The following MACROD2 variants were observed in gnomAD, a reference collection of about 807,000 sequenced individuals.
The protein encoded by MACROD2 is mono-ADP ribosylhydrolase 2.
MACROD2 carries 36 observed loss-of-function variants against 70.4 expected under a neutral mutation model. The ratio of observed to expected loss-of-function variants is 0.51; its 90% CI spans 0.39 to 0.68. MACROD2 has a LOEUF of 0.68. Ranked by LOEUF, MACROD2 falls within the 30% of genes least tolerant of loss-of-function variation. The probability of loss-of-function intolerance (pLI) is 0.00; values close to 1 mark genes in which losing one functional copy is unlikely to be tolerated. For synonymous variants in MACROD2, 172 were observed against 178.8 expected (o/e 0.96, Z 0.30); for missense variants, 496 against 538.4 (o/e 0.92, Z 0.78).
chr20:15,251,461 G>T (rs1385629792), intron 6 of MACROD2, among the ~76,000 whole-genome samples: 1 of 152,136 alleles, frequency 6.6e-6, no homozygotes, highest in Non-Finnish European at 1.5e-5. Flanking sequence ...GGATGAGGAG[G>T]CAGAAAATAA....
intron 8 of MACROD2, among the ~76,000 whole-genome samples, chr20:15,761,882 A>G (rs1369261168): frequency 1.3e-5 from 2 of 152,198 alleles, no homozygotes; most frequent in Non-Finnish European, 2.9e-5. Context: ...CTCAGCTTCT[A>G]AAGCTTTCTT....
chr20:14,576,330 G>A (rs564215527), intron 4 of MACROD2, among the ~76,000 whole-genome samples: 1 of 152,294 alleles, frequency 6.6e-6, no homozygotes, highest in Non-Finnish European at 1.5e-5. Context: ...AAGAGAGTGA[G>A]ATGGCATGAA....
intron 3 of MACROD2, among the ~76,000 whole-genome samples, chr20:14,311,684 ATTTTTGTATT>A (rs2082568427): frequency 6.6e-6 from 1 of 151,858 alleles, no homozygotes; most frequent in African/African-American, 2.4e-5. Context: ...TGCCTGCCTA[ATTTTTGTATT>A]TTTAGTAGAG....
At chr20:14,046,279 T>C (rs2053473433) in intron 2 of MACROD2, among the ~76,000 whole-genome samples, 1 of 152,152 alleles carries the variant, frequency 6.6e-6, no homozygotes, top group Middle Eastern at 3.2e-3. Flanking sequence ...ATCATAGAGC[T>C]AGGTTTTCAA....
intron 2 of MACROD2, among the ~76,000 whole-genome samples, chr20:14,064,173 C>G (rs1339608919): frequency 6.6e-6 from 1 of 152,180 alleles, no homozygotes; most frequent in Non-Finnish European, 1.5e-5. Flanking sequence ...TCTTCTGTCC[C>G]TCTAAGTATT....
In MACROD2 at chr20:15,872,918, G is replaced by T. The variant is rs143025391; in HGVS notation, c.727+10092G>T. ...CTATATGTCATTTAACATAAATCAT[G>T]AACATTTTTCACATCATTATGAATT... On this transcript the variant is annotated intron_variant, in intron 9 of 17. Transcript: ENST00000684519. Among the ~76,000 whole-genome samples the T allele has an allele frequency of 6.7e-3, 1,024 of 152,150 alleles. 17 individuals carry two copies. Among genetic ancestry groups the T allele is most frequent in the Non-Finnish European group, 6.7e-3 (453 of 67,972 alleles).
chr20:15,384,088 G>C (rs2045679428), intron 6 of MACROD2, among the ~76,000 whole-genome samples: 1 of 152,046 alleles, frequency 6.6e-6, no homozygotes, highest in Non-Finnish European at 1.5e-5. Context: ...TGGAGGCTTT[G>C]GGAACTCTAT....
chr20:14,495,472 C>G lies in MACROD2; in HGVS notation c.301+1964C>G, dbSNP rs188133096. 1.5e-4 allele frequency among the ~76,000 whole-genome samples: 23 copies of G among 152,266 alleles called. 1 individual carries two copies. The East Asian group carries it at 4.4e-3, about 29-fold the overall frequency. ...TCTTTGAATCTGGACAGTATTCATTCCTAGCATGTAGTCTTTTATTCCAAG... is the reference window on the plus strand; with the variant it reads ...TCTTTGAATCTGGACAGTATTCATTGCTAGCATGTAGTCTTTTATTCCAAG... On this transcript the variant is annotated intron_variant, in intron 4 of 17. Transcript: ENST00000684519.
intron 3 of MACROD2, among the ~76,000 whole-genome samples, chr20:14,303,981 G>A (rs1053098465): frequency 1.3e-5 from 2 of 152,134 alleles, no homozygotes; most frequent in Admixed American, 6.5e-5. Flanking sequence ...TACAAGTCTA[G>A]TCTTTTATCA....
intron 10 of MACROD2, among the ~76,000 whole-genome samples, chr20:15,922,913 T>C (rs1310903058): frequency 6.6e-6 from 1 of 152,218 alleles, no homozygotes; most frequent in East Asian, 1.9e-4. Flanking sequence ...TACATTATCA[T>C]CTTTAGTGAA....
chr20:15,492,532 G>C (rs142933870), intron 7 of MACROD2, among the ~76,000 whole-genome samples: 2 of 152,126 alleles, frequency 1.3e-5, no homozygotes, highest in Non-Finnish European at 2.9e-5. Flanking sequence ...TGCTAAGATG[G>C]AAAAATATTA....
At chr20:14,325,865 C>T (rs1345083050) in intron 3 of MACROD2, 2 of 1,613,952 alleles carry the variant, frequency 1.2e-6, no homozygotes, top group African/African-American at 1.3e-5. Flanking sequence ...TACCAACACA[C>T]TAAAGCAAGA....
In MACROD2 at chr20:15,206,721, G is replaced by GTTTTTTTTTTTTTTTTTT. The variant is rs56752104; in HGVS notation, c.419-23210_419-23193dup. ...GCATGAAGTCTTTCATATTATCTATGTTTTTTTTTTTTTTTTTTTTTTTTT... is the reference window on the plus strand; with the variant it reads ...GCATGAAGTCTTTCATATTATCTATGTTTTTTTTTTTTTTTTTTTTTTTTTTTTTTTTTTTTTTTTTTT... On this transcript the variant is annotated intron_variant, in intron 5 of 17. Transcript: ENST00000684519. Among the ~76,000 whole-genome samples, 153 of 32,996 alleles carry GTTTTTTTTTTTTTTTTTT rather than the reference G, an allele frequency of 4.6e-3. 51 individuals carry two copies. Among genetic ancestry groups the GTTTTTTTTTTTTTTTTTT allele is most frequent in the African/African-American group, 7.8e-3 (51 of 6,544 alleles). The allele number at this position is 32,996 out of a possible 152,430, so 21.6% of individuals were successfully genotyped here.
In MACROD2 at chr20:15,987,033, A is replaced by G. The variant is rs757820836; in HGVS notation, c.1061-33A>G. 3.2e-6 allele frequency: 5 copies of G among 1,548,456 alleles called. No individual in the cohort carries two copies. In the South Asian group the frequency reaches 5.9e-5, roughly 18 times the overall value. ...TCTCTCAATGATTCCAACTAAAACA[A>G]CCCTGAGTGTCCATCTGTCTCATTC... On this transcript the variant is annotated intron_variant, in intron 14 of 17. Coordinates refer to ENST00000684519, the MANE Select transcript of MACROD2 (RefSeq NM_001351661.2).
intron 8 of MACROD2, among the ~76,000 whole-genome samples, chr20:15,524,665 A>G (rs1363922433): frequency 1.3e-5 from 2 of 152,136 alleles, no homozygotes; most frequent in Non-Finnish European, 2.9e-5. Context: ...GGACTGGGGA[A>G]TTGTATAATA....
intron 5 of MACROD2, among the ~76,000 whole-genome samples, chr20:15,057,656 G>A (rs1403728331): frequency 1.3e-5 from 2 of 152,154 alleles, no homozygotes; most frequent in South Asian, 2.1e-4. Flanking sequence ...GCTCAGCTAG[G>A]CCATGACATC....
intron 3 of MACROD2, among the ~76,000 whole-genome samples, chr20:14,370,501 A>T (rs2083312309): frequency 6.6e-6 from 1 of 152,142 alleles, no homozygotes; most frequent in Non-Finnish European, 1.5e-5. Flanking sequence ...GACTCTTTGT[A>T]TACCAGTGAG....
chr20:14,865,302 C>A (rs1407874284), intron 5 of MACROD2, among the ~76,000 whole-genome samples: 1 of 152,076 alleles, frequency 6.6e-6, no homozygotes. Flanking sequence ...AACCCTGGTC[C>A]CTGTGCTCTG....
intron 5 of MACROD2, among the ~76,000 whole-genome samples, chr20:14,846,373 G>A (rs1344996310): frequency 1.3e-5 from 2 of 151,968 alleles, no homozygotes; most frequent in African/African-American, 2.4e-5. Flanking sequence ...ACAGGCGCAC[G>A]CCACCATGCC....
Sources: allele counts gnomAD v4.1 joint callset (sites outside exome capture counted in the v4.1 genomes callset), GRCh38; gene constraint gnomAD v4.1.1; transcripts MANE v1.5; gene names NCBI Gene and HGNC (gene_info 2026-07-23, HGNC 2026-07-21).